Variants in GPR158 observed in about 807,000 individuals in gnomAD.
GPR158 encodes metabotropic glycine receptor.
A neutral mutation model predicts 78.2 loss-of-function variants in GPR158; 30 were observed. The observed-to-expected ratio is 0.38, with a 90% confidence interval of 0.29 to 0.52. The LOEUF (loss-of-function observed/expected upper bound fraction) is 0.52, where lower values mean the gene tolerates loss of function less well. GPR158 is among the 20% of genes least tolerant of loss of function. The pLI, the probability that GPR158 is intolerant of heterozygous loss-of-function variation, is 0.83. For missense variants in GPR158, 1,463 were observed against 1,523.5 expected, an observed-to-expected ratio of 0.96 and a Z score of 0.66; for synonymous variants, 581 against 591.1, an observed-to-expected ratio of 0.98 and a Z score of 0.25.
chr10:25,296,948 T>C (rs1022736723), intron 2 of GPR158, among the ~76,000 whole-genome samples: 1 of 152,228 alleles, frequency 6.6e-6, no homozygotes, highest in African/African-American at 2.4e-5. Flanking sequence ...TAATCATCTT[T>C]GTCATTCTGT....
intron 4 of GPR158, among the ~76,000 whole-genome samples, chr10:25,465,806 G>A (rs1345593466): frequency 6.6e-6 from 1 of 152,184 alleles, no homozygotes; most frequent in African/African-American, 2.4e-5. Flanking sequence ...GTATGCACTG[G>A]TGGCTCATAT....
chr10:25,246,828 T>C (rs558913506), intron 2 of GPR158, among the ~76,000 whole-genome samples: 1 of 152,334 alleles, frequency 6.6e-6, no homozygotes, highest in South Asian at 2.1e-4. Context: ...CTAACAAGCA[T>C]GAGATCCTTT....
At chr10:25,375,371 A>G (rs1214016168) in intron 2 of GPR158, among the ~76,000 whole-genome samples, 3 of 151,632 alleles carry the variant, frequency 2.0e-5, no homozygotes, top group Non-Finnish European at 4.4e-5. Context: ...TTTAATTTTG[A>G]TGAAGTCCAA....
chr10:25,374,443 G>A (rs146452584), intron 2 of GPR158, among the ~76,000 whole-genome samples: 59 of 151,680 alleles, frequency 3.9e-4, no homozygotes, highest in African/African-American at 1.2e-3. Flanking sequence ...ATGCATTTAT[G>A]TACATGTGTG....
In GPR158 at chr10:25,271,530, T is replaced by C. The variant is rs370962861; in HGVS notation, c.1008+50373T>C. On this transcript the variant is annotated intron_variant, in intron 2 of 10. Transcript: ENST00000376351. ...CCAATTGTGCTCCTGGAAGTGGTGA[T>C]GGACATACTCTCTTCCATTCACTCT... is the stretch of plus-strand genomic sequence containing the variant. Among the ~76,000 whole-genome samples, 8 of 152,320 alleles carry C rather than the reference T, an allele frequency of 5.3e-5. No individual in the cohort carries two copies. The South Asian group carries it at 1.7e-3, about 32-fold the overall frequency.
chr10:25,599,366 A>T lies in GPR158; in HGVS notation c.*92A>T. The T allele has an allele frequency of 9.9e-7, 1 of 1,013,934 alleles. No individual in the cohort carries two copies. The highest frequency in any genetic ancestry group is 1.6e-5 in the South Asian group (1 of 61,744). 62.8% of individuals were successfully genotyped at this position (1,013,934 alleles called of 1,614,324 possible). On this transcript the variant is annotated 3_prime_UTR_variant, in exon 11 of 11. Coordinates refer to ENST00000376351, the MANE Select transcript of GPR158 (RefSeq NM_020752.3). Reference sequence around the variant, plus strand: ...CAAATATTCCCAAGGAGGATTTGTCAATCAAGGAAAACATGACAGATGGTG... The same window carrying T: ...CAAATATTCCCAAGGAGGATTTGTCTATCAAGGAAAACATGACAGATGGTG...
chr10:25,566,445 C>G (rs186013898), intron 6 of GPR158, among the ~76,000 whole-genome samples: 2 of 152,304 alleles, frequency 1.3e-5, no homozygotes, highest in Admixed American at 1.3e-4. Flanking sequence ...CTGGCCCCTC[C>G]TCTCATAACC....
chr10:25,526,071 C>T (rs371498779), intron 5 of GPR158, among the ~76,000 whole-genome samples: 3 of 137,518 alleles, frequency 2.2e-5, no homozygotes, highest in African/African-American at 8.3e-5. Context: ...GTTGCCACTG[C>T]ACTCCAGCCT....
chr10:25,265,546 T>C (rs1854034930), intron 2 of GPR158, among the ~76,000 whole-genome samples: 1 of 152,182 alleles, frequency 6.6e-6, no homozygotes. Context: ...TATGGTAAGA[T>C]ACTAGTTAAG....
In GPR158 at chr10:25,515,597, C is replaced by G. The variant is rs1347392470; in HGVS notation, c.1405-35379C>G. Among the ~76,000 whole-genome samples the G allele has an allele frequency of 5.6e-5, 7 of 125,106 alleles. No individual in the cohort carries two copies. The Admixed American group carries it at 5.8e-4, about 10-fold the overall frequency. 82.1% of individuals were successfully genotyped at this position (125,106 alleles called of 152,430 possible). ...ATGTGATCTCATTGTTCAATTCCCA[C>G]CTATGAGTGAGAATATGCGGTGTTT... On this transcript the variant is annotated intron_variant, in intron 5 of 10. Coordinates refer to ENST00000376351, the MANE Select transcript of GPR158 (RefSeq NM_020752.3).
At chr10:25,589,240 CTT>C in intron 8 of GPR158, 95 bp downstream of exon 8, 2 of 798,112 alleles carry the variant, frequency 2.5e-6, no homozygotes, top group Non-Finnish European at 3.7e-6. Flanking sequence ...AATAGAAAGA[CTT>C]AGCAAAGATA....
chr10:25,418,597 A>C (rs781669422), intron 4 of GPR158, among the ~76,000 whole-genome samples: 3 of 150,922 alleles, frequency 2.0e-5, no homozygotes, highest in Non-Finnish European at 4.4e-5. Context: ...TACATTTTTT[A>C]CTAAATATTA....
intron 2 of GPR158, among the ~76,000 whole-genome samples, chr10:25,334,394 T>C (rs1855169259): frequency 6.6e-6 from 1 of 152,108 alleles, no homozygotes; most frequent in South Asian, 2.1e-4. Flanking sequence ...TCTATAATTA[T>C]CATTTTTGTC....
chr10:25,302,238 A>ATTTTTTTTTTTTTTTT, intron 2 of GPR158, among the ~76,000 whole-genome samples: 1 of 133,940 alleles, frequency 7.5e-6, no homozygotes, highest in Non-Finnish European at 1.6e-5. Context: ...TGCCTGGCTA[A>ATTTTTTTTTTTTTTTT]TTTTTTTTTT....
chr10:25,432,540 T>A (rs1834926356), intron 4 of GPR158, among the ~76,000 whole-genome samples: 1 of 152,186 alleles, frequency 6.6e-6, no homozygotes, highest in African/African-American at 2.4e-5. Flanking sequence ...ATGTTCAAAA[T>A]TGGGTTAGGT....
chr10:25,338,527 TACG>T (rs1855255435), intron 2 of GPR158, among the ~76,000 whole-genome samples: 1 of 85,348 alleles, frequency 1.2e-5, no homozygotes, highest in South Asian at 3.7e-4. Context: ...ATACGTATAT[TACG>T]TATATTATAT....
intron 6 of GPR158, among the ~76,000 whole-genome samples, chr10:25,561,420 A>T (rs1317644079): frequency 6.6e-6 from 1 of 152,232 alleles, no homozygotes; most frequent in East Asian, 1.9e-4. Flanking sequence ...ATAAACAAGC[A>T]TGTAATTCCC....
At chr10:25,409,081 A>G (rs1358860549) in intron 3 of GPR158, among the ~76,000 whole-genome samples, 1 of 152,158 alleles carries the variant, frequency 6.6e-6, no homozygotes, top group East Asian at 1.9e-4. Flanking sequence ...ATAGAGCACA[A>G]ACTGCTGCCA....
chr10:25,287,375 A>G (rs1854366903), intron 2 of GPR158, among the ~76,000 whole-genome samples: 2 of 151,974 alleles, frequency 1.3e-5, no homozygotes, highest in Non-Finnish European at 1.5e-5. Context: ...GTGGGTTTTC[A>G]TGTCTTTTTT....
Sources: allele counts gnomAD v4.1 joint callset (sites outside exome capture counted in the v4.1 genomes callset), GRCh38; gene constraint gnomAD v4.1.1; transcripts MANE v1.5; gene names NCBI Gene and HGNC (gene_info 2026-07-23, HGNC 2026-07-21).